The following NT5C2 variants were observed in gnomAD, a reference collection of about 807,000 sequenced individuals.
The protein encoded by NT5C2 is cytosolic purine 5'-nucleotidase.
In NT5C2, 58 loss-of-function variants were observed where a neutral mutation model predicts 76.1. That is an observed-to-expected ratio of 0.76 (90% CI 0.62 to 0.95). The LOEUF (loss-of-function observed/expected upper bound fraction) is 0.95, where lower values mean the gene tolerates loss of function less well. NT5C2 is among the 40% of genes least tolerant of loss of function. The probability of loss-of-function intolerance (pLI) is 0.00; values close to 1 mark genes in which losing one functional copy is unlikely to be tolerated. For missense variants in NT5C2, 478 were observed against 690.3 expected (o/e 0.69, Z 3.45); for synonymous variants, 229 against 237.4 (o/e 0.96, Z 0.32).
chr10:103,091,111 T>G (rs2066718235), intron 16 of NT5C2, 115 bp from the exon 17 acceptor site: 3 of 834,948 alleles, frequency 3.6e-6, no homozygotes, highest in African/African-American at 3.4e-5. Context: ...CGCGGCTCAC[T>G]GCAACCTCTG....
intron 3 of NT5C2, among the ~76,000 whole-genome samples, chr10:103,162,150 G>A (rs2085065351): frequency 6.6e-6 from 1 of 152,044 alleles, no homozygotes; most frequent in Admixed American, 6.6e-5. Flanking sequence ...CAAGTAGCTG[G>A]GACTACAGGC....
intron 12 of NT5C2, among the ~76,000 whole-genome samples, chr10:103,094,867 C>G (rs1395784126): frequency 1.7e-5 from 2 of 114,604 alleles, no homozygotes; most frequent in African/African-American, 3.1e-5. Context: ...GGCAACAGAG[C>G]AAGACTCCAT....
chr10:103,097,864 C>T (rs1207915224), intron 10 of NT5C2: 12 of 371,166 alleles, frequency 3.2e-5, no homozygotes, highest in Admixed American at 2.6e-4. Context: ...CACCCACGTG[C>T]GCTTAAATGA....
In NT5C2 at chr10:103,089,503, C is replaced by G. The variant is rs1228825130; in HGVS notation, c.*169G>C. On this transcript the variant is annotated 3_prime_UTR_variant, in exon 19 of 19. Coordinates refer to ENST00000404739, the MANE Select transcript of NT5C2 (RefSeq NM_001351169.2). ...ACCATCTGCAGAGAGTACAGATACA[C>G]AAAACCAAAACAAGTATCTATGATA... The G allele has an allele frequency of 7.7e-7, 1 of 1,295,976 alleles. No individual in the cohort carries two copies. Among genetic ancestry groups the G allele is most frequent in the Non-Finnish European group, 1.0e-6 (1 of 979,732 alleles). 80.3% of individuals were successfully genotyped at this position (1,295,976 alleles called of 1,614,324 possible). A position where few individuals can be genotyped will look rare whatever the true frequency, so the allele number is the denominator to read the frequency against.
chr10:103,189,330 G>A (rs893812264), intron 1 of NT5C2, among the ~76,000 whole-genome samples: 20 of 152,016 alleles, frequency 1.3e-4, no homozygotes, highest in African/African-American at 3.4e-4. Flanking sequence ...ATTAAGGGCC[G>A]GGCGTGGTAG....
chr10:103,140,367 C>T (rs545717921), intron 3 of NT5C2, among the ~76,000 whole-genome samples: 10 of 152,208 alleles, frequency 6.6e-5, no homozygotes, highest in South Asian at 2.1e-4. Context: ...GTGTTGCAAA[C>T]GGTAGAATCT....
intron 4 of NT5C2, among the ~76,000 whole-genome samples, chr10:103,121,510 A>T (rs1287892042): frequency 6.6e-6 from 1 of 152,190 alleles, no homozygotes; most frequent in Non-Finnish European, 1.5e-5. Flanking sequence ...TGTTCACTTA[A>T]ATGTCAAGTG....
intron 6 of NT5C2, among the ~76,000 whole-genome samples, chr10:103,103,169 C>T (rs1414267464): frequency 6.6e-6 from 1 of 152,182 alleles, no homozygotes; most frequent in East Asian, 1.9e-4. Flanking sequence ...AAATTTAAAG[C>T]TCACACTCAG....
chr10:103,158,614 C>T (rs1215302241), intron 3 of NT5C2, among the ~76,000 whole-genome samples: 2 of 151,902 alleles, frequency 1.3e-5, no homozygotes, highest in Non-Finnish European at 2.9e-5. Context: ...GTGAGGAGTT[C>T]GAGACCAGCC....
intron 4 of NT5C2, among the ~76,000 whole-genome samples, chr10:103,126,864 T>A (rs117208459): frequency 0.01 from 1,573 of 152,176 alleles, 15 homozygotes; most frequent in Middle Eastern, 0.017. Context: ...CAGGAGGGAG[T>A]GCAGTGGCAT....
chr10:103,100,056 A>C (rs778043974), intron 8 of NT5C2, 37 bp from the exon 9 acceptor site: 2 of 1,353,856 alleles, frequency 1.5e-6, no homozygotes, highest in East Asian at 4.6e-5. Flanking sequence ...AGGGGATCCA[A>C]AACAGGGTAA....
intron 6 of NT5C2, chr10:103,105,433 C>CTAG (rs1271991766): frequency 1.4e-6 from 1 of 718,742 alleles, no homozygotes; most frequent in African/African-American, 1.8e-5. Context: ...TAAGTCAAAA[C>CTAG]TACTAAAGTT....
At chr10:103,109,711 G>A (rs1242388691) in intron 4 of NT5C2, among the ~76,000 whole-genome samples, 1 of 152,094 alleles carries the variant, frequency 6.6e-6, no homozygotes. Context: ...CCCTAAATCA[G>A]CAATTTCTCC....
intron 16 of NT5C2, 24 bp from the exon 17 acceptor site, chr10:103,091,020 TGAAAATCTCTGG>T (rs755291660): frequency 6.2e-7 from 1 of 1,603,874 alleles, no homozygotes; most frequent in Non-Finnish European, 8.5e-7. Flanking sequence ...AAAAACTCAG[TGAAAATCTCTGG>T]GAAGAGCTTT....
At chr10:103,157,855 G>T (rs1379887677) in intron 3 of NT5C2, among the ~76,000 whole-genome samples, 1 of 151,980 alleles carries the variant, frequency 6.6e-6, no homozygotes, top group Non-Finnish European at 1.5e-5. Context: ...CGGACAGATC[G>T]TGAGGTCAAG....
intron 3 of NT5C2, among the ~76,000 whole-genome samples, chr10:103,147,938 A>T (rs925547046): frequency 1.3e-5 from 2 of 152,172 alleles, no homozygotes; most frequent in African/African-American, 2.4e-5. Flanking sequence ...AAATGATCAA[A>T]TTGTATGCTT....
chr10:103,148,603 CA>C (rs61288291), intron 3 of NT5C2, among the ~76,000 whole-genome samples: 53,793 of 119,992 alleles, frequency 0.45, 9,668 homozygotes, highest in East Asian at 0.56. Flanking sequence ...GACTCCGTCT[CA>C]AAAAAAAAAA....
At chr10:103,105,014 G>A (rs1332266519) in intron 6 of NT5C2, among the ~76,000 whole-genome samples, 1 of 152,096 alleles carries the variant, frequency 6.6e-6, no homozygotes, top group African/African-American at 2.4e-5. Flanking sequence ...AGCTACAGAA[G>A]TTGTCAAATT....
Position 103,099,000 on chromosome 10 carries a change from A to G in NT5C2, c.634-16T>C, listed in dbSNP as rs555367203. The G allele has an allele frequency of 6.6e-5, 104 of 1,586,086 alleles. 1 individual carries two copies. The highest frequency in any genetic ancestry group is 8.5e-5 in the Non-Finnish European group (99 of 1,160,134). On this transcript the variant is annotated splice_polypyrimidine_tract_variant and intron_variant, in intron 9 of 18. Coordinates refer to ENST00000404739, the MANE Select transcript of NT5C2 (RefSeq NM_001351169.2). ...TAAGGGAGCCCTGGAGGAAGACAAA[A>G]AAAAGAATTAAGAAAAGAACAAAAT...
Sources: gnomAD v4.1 joint callset for allele counts (sites outside exome capture counted in the v4.1 genomes callset) on GRCh38, gnomAD v4.1.1 for gene constraint, MANE v1.5 for transcripts, NCBI Gene and HGNC (gene_info 2026-07-23, HGNC 2026-07-21) for gene names.